Variants in TSPEAR observed in about 807,000 individuals in gnomAD.
TSPEAR encodes the protein thrombospondin-type laminin G domain and EAR repeat-containing protein.
TSPEAR carries 69 observed loss-of-function variants against 71.6 expected under a neutral mutation model. That is an observed-to-expected ratio of 0.96 (90% CI 0.79 to 1.18). TSPEAR has a LOEUF of 1.18. TSPEAR is among the 50% of genes most tolerant of loss of function. The pLI is 0.00. For synonymous variants in TSPEAR, 402 were observed against 387.2 expected (o/e 1.04, Z -0.45); for missense variants, 971 against 894.9 (o/e 1.09, Z -1.09).
At chr21:44,562,739 A>G (rs587594340) in intron 2 of TSPEAR, among the ~76,000 whole-genome samples, 2 of 152,290 alleles carry the variant, frequency 1.3e-5, no homozygotes, top group South Asian at 2.1e-4. Context: ...AAAGAAAAAA[A>G]AGTCAGCCAA....
At chr21:44,558,811 T>C in intron 2 of TSPEAR, 1 of 1,474,732 alleles carries the variant, frequency 6.8e-7, no homozygotes, top group South Asian at 1.3e-5. Context: ...GGCCTCTGAG[T>C]GGTCGGAACC....
chr21:44,577,381 C>T (rs587746910), intron 1 of TSPEAR, among the ~76,000 whole-genome samples: 1 of 152,310 alleles, frequency 6.6e-6, no homozygotes, highest in East Asian at 1.9e-4. Flanking sequence ...GCTCCTGGTT[C>T]TACAGGCTGT....
intron 1 of TSPEAR, among the ~76,000 whole-genome samples, chr21:44,629,755 C>T (rs138099762): frequency 1.1e-3 from 160 of 152,340 alleles, no homozygotes; most frequent in Non-Finnish European, 1.7e-3. Flanking sequence ...TGCTGAACAA[C>T]GCTGTCCAGA....
chr21:44,525,197 TGTA>T (rs1433580285), intron 8 of TSPEAR, among the ~76,000 whole-genome samples: 28 of 151,970 alleles, frequency 1.8e-4, no homozygotes, highest in African/African-American at 6.8e-4. Context: ...CAGTCTGTGA[TGTA>T]GTTGGTCATT....
In TSPEAR at chr21:44,612,808, G is replaced by A. The variant is rs144361217; in HGVS notation, c.83-44803C>T. On this transcript the variant is annotated intron_variant, in intron 1 of 11. Coordinates refer to ENST00000323084, the MANE Select transcript of TSPEAR (RefSeq NM_144991.3). This position sits in a 1 kb window ranked among gnomAD's most constrained non-coding sequence, Gnocchi z 4.1. The stretch of plus-strand genomic sequence containing the variant: ...GTTGTGTCCCTGCCTCCTCCTGCCA[G>A]CCCAGCTGCTGCCACCCGGCCTCCT... 26 of 1,612,966 alleles carry A rather than the reference G, an allele frequency of 1.6e-5. No homozygotes were observed. Among genetic ancestry groups the A allele is most frequent in the Middle Eastern group, 3.4e-4 (2 of 5,818 alleles).
In TSPEAR at chr21:44,505,226, G is replaced by A. The variant is rs587731352; in HGVS notation, c.1755-345C>T. Among the ~76,000 whole-genome samples, 9 of 152,060 alleles carry A rather than the reference G, an allele frequency of 5.9e-5. No homozygotes were observed. In the South Asian group the frequency reaches 1.9e-3, roughly 32 times the overall value. On this transcript the variant is annotated intron_variant, in intron 10 of 11. Coordinates refer to ENST00000323084, the MANE Select transcript of TSPEAR (RefSeq NM_144991.3). ...CCCGAGTAGCTGGGATTACAAGTGT[G>A]CGGCACCACGCCCGGCTAATTTTTG...
intron 2 of TSPEAR, chr21:44,551,237 G>A: frequency 1.9e-6 from 3 of 1,614,018 alleles, no homozygotes; most frequent in Non-Finnish European, 2.5e-6. Context: ...AGGGCGTGCA[G>A]GAGCTGGTGC....
intron 1 of TSPEAR, chr21:44,638,312 A>T (rs1785474): frequency 0.53 from 300,636 of 568,618 alleles, 92,624 homozygotes; most frequent in South Asian, 0.7. Context: ...ATGCTCCCCC[A>T]GTCCTTCCCA....
rs587608283 is a variant in TSPEAR at position 44,574,260 on chromosome 21, A to C, written c.83-6255T>G. The C allele has an allele frequency of 9.0e-6, 14 of 1,560,164 alleles. No homozygotes were observed. In the African/African-American group the frequency reaches 1.0e-4, roughly 11 times the overall value. On this transcript the variant is annotated intron_variant, in intron 1 of 11. Coordinates refer to ENST00000323084, the MANE Select transcript of TSPEAR (RefSeq NM_144991.3). ...CTGCTGCAAGCCTGTCTGCTCTGGGATTTCCTCTTCGTGCTGCCAGCAGTC... is the reference window on the plus strand; with the variant it reads ...CTGCTGCAAGCCTGTCTGCTCTGGGCTTTCCTCTTCGTGCTGCCAGCAGTC...
intron 1 of TSPEAR, among the ~76,000 whole-genome samples, chr21:44,625,548 G>T (rs1268149376): frequency 1.3e-5 from 2 of 152,232 alleles, no homozygotes; most frequent in Non-Finnish European, 2.9e-5. Context: ...GCCCAAAATG[G>T]ACCAGTTCAA....
At chr21:44,511,752 G>A (rs2052386234) in intron 9 of TSPEAR, among the ~76,000 whole-genome samples, 2 of 152,260 alleles carry the variant, frequency 1.3e-5, no homozygotes, top group South Asian at 4.1e-4. Context: ...GGCAGATCCT[G>A]ATGGACTGCC....
intron 2 of TSPEAR, among the ~76,000 whole-genome samples, chr21:44,552,032 TC>T (rs1669990398): frequency 6.6e-6 from 1 of 152,176 alleles, no homozygotes; most frequent in African/African-American, 2.4e-5. Flanking sequence ...GGACCTCCCC[TC>T]CTCTGAGAAG....
At chr21:44,624,004 A>G (rs189098107) in intron 1 of TSPEAR, among the ~76,000 whole-genome samples, 139 of 152,232 alleles carry the variant, frequency 9.1e-4, no homozygotes, top group African/African-American at 2.9e-3. Flanking sequence ...TACTACCCTT[A>G]TTTTACTCAT....
intron 1 of TSPEAR, chr21:44,658,299 C>T (rs1168776217): frequency 5.0e-6 from 8 of 1,600,556 alleles, no homozygotes; most frequent in East Asian, 2.2e-5. Flanking sequence ...CGGGGGTACA[C>T]ACCTGTATCC....
At chr21:44,575,367 G>T (rs1040677653) in intron 1 of TSPEAR, 76 of 289,870 alleles carry the variant, frequency 2.6e-4, no homozygotes, top group African/African-American at 1.5e-3. Context: ...CTGCAATGGC[G>T]CTGACACCCA....
At chr21:44,686,957 G>A (rs1451908197) in intron 1 of TSPEAR, among the ~76,000 whole-genome samples, 2 of 152,200 alleles carry the variant, frequency 1.3e-5, no homozygotes, top group African/African-American at 4.8e-5. Context: ...GCTTGACCCT[G>A]GGATGTCGGG....
intron 2 of TSPEAR, among the ~76,000 whole-genome samples, chr21:44,536,809 G>C (rs147445954): frequency 3.3e-5 from 5 of 152,098 alleles, no homozygotes; most frequent in South Asian, 4.2e-4. Context: ...ATGACAAACT[G>C]TAAGAACTAA....
chr21:44,559,562 G>A (rs1238013699), intron 2 of TSPEAR, among the ~76,000 whole-genome samples: 2 of 152,192 alleles, frequency 1.3e-5, no homozygotes, highest in Admixed American at 6.5e-5. Flanking sequence ...GGAGCTCCAA[G>A]GTCTCTTCCC....
chr21:44,602,078 T>A, intron 1 of TSPEAR: 1 of 406,978 alleles, frequency 2.5e-6, no homozygotes. Flanking sequence ...TGGCGAGCCC[T>A]GCTCCTCCCC....
Sources: gnomAD v4.1 joint callset for allele counts (sites outside exome capture counted in the v4.1 genomes callset) on GRCh38, gnomAD v4.1.1 for gene constraint, Gnocchi (gnomAD v3.1) non-coding constraint, MANE v1.5 for transcripts, NCBI Gene and HGNC (gene_info 2026-07-23, HGNC 2026-07-21) for gene names.